The following RYR2 variants were observed in gnomAD, a reference collection of about 807,000 sequenced individuals.
RYR2 encodes the protein ryanodine receptor 2.
In RYR2, 227 loss-of-function variants were observed where a neutral mutation model predicts 601.1. That is an observed-to-expected ratio of 0.38 (90% CI 0.34 to 0.42). The LOEUF is 0.42. Ranked by LOEUF, RYR2 falls within the 10% of genes least tolerant of loss-of-function variation. RYR2 has a pLI of 1.00. For synonymous variants in RYR2, 2,223 were observed against 2,175.1 expected (o/e 1.02, Z -0.61); for missense variants, 4,646 against 6,156.5 (o/e 0.75, Z 8.21).
chr1:237,417,135 T>G lies in RYR2; in HGVS notation c.848+12T>G. The stretch of plus-strand genomic sequence containing the variant: ...ACGCTAAGAGTTGCGTAAGTAGAAC[T>G]TCTAAACACAGCCTAATGCACCAAG... On this transcript the variant is annotated intron_variant, in intron 11 of 104. Transcript: ENST00000366574. 2 of 1,604,452 alleles carry G rather than the reference T, an allele frequency of 1.2e-6. No individual in the cohort carries two copies. The highest frequency in any genetic ancestry group is 1.7e-6 in the Non-Finnish European group (2 of 1,171,316).
At chr1:237,446,117 G>C (rs1180810491) in intron 14 of RYR2, among the ~76,000 whole-genome samples, 1 of 152,046 alleles carries the variant, frequency 6.6e-6, no homozygotes, top group Non-Finnish European at 1.5e-5. Flanking sequence ...GCCCAGCCTA[G>C]TTCCTTTTTC....
intron 25 of RYR2, among the ~76,000 whole-genome samples, chr1:237,540,022 T>G (rs1669082302): frequency 6.6e-6 from 1 of 151,130 alleles, no homozygotes; most frequent in Non-Finnish European, 1.5e-5. Context: ...TTTTCTTTCC[T>G]CCTGTGCCTC....
intron 6 of RYR2, among the ~76,000 whole-genome samples, chr1:237,370,642 T>A (rs1197940211): frequency 6.6e-6 from 1 of 150,796 alleles, no homozygotes; most frequent in South Asian, 2.1e-4. Flanking sequence ...ATGTTAAAAA[T>A]ATGCAAAAGT....
intron 96 of RYR2, among the ~76,000 whole-genome samples, chr1:237,795,836 G>GTATATATATATATATATATATA (rs1553329286): frequency 1.8e-4 from 24 of 132,656 alleles, no homozygotes; most frequent in African/African-American, 6.6e-4. Flanking sequence ...GTGTGTGTGT[G>GTATATATATATATATATATATA]TATATATATA....
Position 237,544,347 on chromosome 1 carries a change from C to G in RYR2, c.2907-4084C>G, listed in dbSNP as rs547208668. ...GGAGAGAAAAGTCTGTCGGCTGATT[C>G]TGGCAGAAGTTTCTCATGATGTTTG... On this transcript the variant is annotated intron_variant, in intron 25 of 104. Transcript: ENST00000366574. Among the ~76,000 whole-genome samples, 45 of 152,206 alleles carry G rather than the reference C, an allele frequency of 3.0e-4. 1 individual carries two copies. The East Asian group carries it at 7.3e-3, about 25-fold the overall frequency.
At chr1:237,175,319 G>A (rs941464763) in intron 1 of RYR2, among the ~76,000 whole-genome samples, 1 of 152,036 alleles carries the variant, frequency 6.6e-6, no homozygotes, top group Non-Finnish European at 1.5e-5. Context: ...TTTTCCTTAT[G>A]AGGCATCTTA....
intron 25 of RYR2, among the ~76,000 whole-genome samples, chr1:237,544,339 G>T (rs528761567): frequency 6.6e-6 from 1 of 152,044 alleles, no homozygotes; most frequent in Admixed American, 6.6e-5. Context: ...AAAGTCTGTC[G>T]GCTGATTCTG....
chr1:237,330,072 T>C (rs1572624456), intron 2 of RYR2, among the ~76,000 whole-genome samples: 1 of 152,224 alleles, frequency 6.6e-6, no homozygotes, highest in Non-Finnish European at 1.5e-5. Flanking sequence ...TTGAGACAAC[T>C]ATTATTTTTC....
intron 3 of RYR2, chr1:237,341,494 C>T (rs1330451494): frequency 3.1e-6 from 1 of 319,392 alleles, no homozygotes; most frequent in Non-Finnish European, 6.5e-6. Context: ...CTTCAAAGCA[C>T]TGAACACCTT....
At chr1:237,497,146 C>CA (rs1362496274) in intron 20 of RYR2, among the ~76,000 whole-genome samples, 1 of 151,950 alleles carries the variant, frequency 6.6e-6, no homozygotes, top group Non-Finnish European at 1.5e-5. Context: ...CATAAAAGAA[C>CA]AAAAAACAAA....
rs141793151 is a variant in RYR2 at position 237,429,502 on chromosome 1, C to G, written c.1005+6254C>G. Among the ~76,000 whole-genome samples the G allele has an allele frequency of 8.5e-5, 13 of 152,234 alleles. No individual in the cohort carries two copies. In the East Asian group the frequency reaches 2.5e-3, roughly 29 times the overall value. Reference sequence around the variant, plus strand: ...CTTGTCCTGTCAGGGCCTCACCCAGCTAAAGTGTCACCCCACCCCTCCACA... The same window carrying G: ...CTTGTCCTGTCAGGGCCTCACCCAGGTAAAGTGTCACCCCACCCCTCCACA... On this transcript the variant is annotated intron_variant, in intron 12 of 104. Coordinates refer to ENST00000366574, the MANE Select transcript of RYR2 (RefSeq NM_001035.3).
In RYR2 at chr1:237,301,279, C is replaced by A. The variant is rs553455908; in HGVS notation, c.169-29599C>A. On this transcript the variant is annotated intron_variant, in intron 2 of 104. Coordinates refer to ENST00000366574, the MANE Select transcript of RYR2 (RefSeq NM_001035.3). ...CTGATTGAATACATACCATTCAAAT[C>A]TGTAAAACTCAAGATTGCAAGTATT... 3.3e-5 allele frequency among the ~76,000 whole-genome samples: 5 copies of A among 152,176 alleles called. No homozygotes were observed. In the South Asian group the frequency reaches 1.0e-3, roughly 32 times the overall value.
intron 62 of RYR2, among the ~76,000 whole-genome samples, chr1:237,683,311 A>G (rs931779285): frequency 6.6e-6 from 1 of 152,244 alleles, no homozygotes; most frequent in Non-Finnish European, 1.5e-5. Context: ...TTCCTGGCAC[A>G]AGAAATTATT....
At chr1:237,500,442 G>A (rs1228730157) in intron 20 of RYR2, among the ~76,000 whole-genome samples, 1 of 152,166 alleles carries the variant, frequency 6.6e-6, no homozygotes, top group African/African-American at 2.4e-5. Context: ...ATAATTTCTG[G>A]ATCAGTTGCC....
chr1:237,048,386 C>T (rs939678252), intron 1 of RYR2, among the ~76,000 whole-genome samples: 18 of 152,144 alleles, frequency 1.2e-4, no homozygotes, highest in Admixed American at 2.6e-4. Flanking sequence ...ACTCCGTTAG[C>T]TTCTTGTTCT....
intron 79 of RYR2, among the ~76,000 whole-genome samples, chr1:237,741,153 A>G (rs16835682): frequency 0.033 from 4,956 of 152,256 alleles, 92 homozygotes; most frequent in African/African-American, 0.057. Flanking sequence ...AACTATGCTC[A>G]TGTGCCTATC....
intron 10 of RYR2, among the ~76,000 whole-genome samples, chr1:237,398,853 T>C (rs1426929205): frequency 1.3e-5 from 2 of 152,194 alleles, no homozygotes; most frequent in African/African-American, 4.8e-5. Flanking sequence ...GGTATGTCCA[T>C]AGCGTGGGAT....
chr1:237,669,582 G>A (rs1684688754), intron 58 of RYR2, among the ~76,000 whole-genome samples: 1 of 150,698 alleles, frequency 6.6e-6, no homozygotes, highest in South Asian at 2.1e-4. Context: ...CGGGGCAGTT[G>A]CCAGGCAGAG....
At position 237,565,187 on chromosome 1, in the gene RYR2, C is replaced by G. The variant is rs1450591330; in HGVS notation, c.3215-1380C>G. Among the ~76,000 whole-genome samples the G allele has an allele frequency of 2.9e-5, 2 of 70,118 alleles. 1 individual carries two copies. Among genetic ancestry groups the G allele is most frequent in the African/African-American group, 9.3e-5 (2 of 21,612 alleles). The allele number at this position is 70,118 out of a possible 152,430, so 46.0% of individuals were successfully genotyped here. On this transcript the variant is annotated intron_variant, in intron 27 of 104. Transcript: ENST00000366574. ...TCTTTCTTTCTTTCTTTCTTTCTTT[C>G]TTTCTTTCTTTCTTTCTTTCTTTCT...
Sources: gnomAD v4.1 joint callset for allele counts (sites outside exome capture counted in the v4.1 genomes callset) on GRCh38, gnomAD v4.1.1 for gene constraint, MANE v1.5 for transcripts, NCBI Gene and HGNC (gene_info 2026-07-23, HGNC 2026-07-21) for gene names.